Variants in FHDC1 observed in about 807,000 individuals in gnomAD.
The protein encoded by FHDC1 is FH2 domain containing 1, also known as FH2 domain-containing protein 1.
Under a neutral mutation model 52.6 loss-of-function variants are expected in FHDC1, and 25 were observed. The ratio of observed to expected loss-of-function variants is 0.48; its 90% confidence interval spans 0.35 to 0.66. The LOEUF (loss-of-function observed/expected upper bound fraction) is 0.66, where lower values mean the gene tolerates loss of function less well. Ranked by LOEUF, FHDC1 falls within the 30% of genes least tolerant of loss-of-function variation. The pLI is 0.01. For synonymous variants in FHDC1, 616 were observed against 581.5 expected, an observed-to-expected ratio of 1.06 and a Z score of -0.85; for missense variants, 1,459 against 1,452.8, an observed-to-expected ratio of 1.00 and a Z score of -0.07.
chr4:152,929,572 C>G, the FHDC1 span, among the ~76,000 whole-genome samples: 2 of 152,148 alleles, frequency 1.3e-5, no homozygotes, highest in East Asian at 3.9e-4. The surrounding 1 kb of genome is among the most constrained non-coding windows in gnomAD (Gnocchi z 4.1). Flanking sequence ...ACTTTCCTTT[C>G]GCACCATCAA....
At chr4:152,955,062 A>G (rs569721598) in intron 4 of FHDC1, among the ~76,000 whole-genome samples, 3 of 152,328 alleles carry the variant, frequency 2.0e-5, no homozygotes, top group Non-Finnish European at 4.4e-5. Flanking sequence ...TGACCTTTGC[A>G]TAGTATAAAC....
intron 2 of FHDC1, among the ~76,000 whole-genome samples, chr4:152,944,288 TTTATAA>T: frequency 6.6e-6 from 1 of 152,138 alleles, no homozygotes; most frequent in East Asian, 1.9e-4. Context: ...AAAAATTACA[TTTATAA>T]GTATTGTCAG....
chr4:152,974,359 G>C (rs1404692951), intron 11 of FHDC1, among the ~76,000 whole-genome samples: 2 of 150,208 alleles, frequency 1.3e-5, no homozygotes, highest in African/African-American at 4.8e-5. Context: ...CAGTGCCTTG[G>C]CTGGAAAGCT....
At chr4:152,958,896 A>G (rs1311372806) in intron 4 of FHDC1, among the ~76,000 whole-genome samples, 3 of 152,210 alleles carry the variant, frequency 2.0e-5, no homozygotes, top group East Asian at 3.8e-4. Flanking sequence ...ATAAATGGCT[A>G]TTTTCTGTCC....
intron 4 of FHDC1, among the ~76,000 whole-genome samples, chr4:152,954,739 A>G (rs1740033037): frequency 6.6e-6 from 1 of 152,110 alleles, no homozygotes. Flanking sequence ...TGGGAAGGGC[A>G]CTCTCCTACC....
At chr4:152,935,947 A>G (rs1438564343), upstream of FHDC1, among the ~76,000 whole-genome samples, 2 of 152,110 alleles carry the variant, frequency 1.3e-5, no homozygotes, top group Non-Finnish European at 2.9e-5. Context: ...TTGCAGGTTC[A>G]GAAGCCAGCT....
upstream of FHDC1, among the ~76,000 whole-genome samples, chr4:152,935,854 TGTATATAAGAGTGTGTGC>T (rs1739351650): frequency 7.3e-6 from 1 of 137,160 alleles, no homozygotes; most frequent in Non-Finnish European, 1.6e-5. Context: ...TGTGCGCGCG[TGTATATAAGAGTGTGTGC>T]GCGCCCGTGT....
At position 152,943,325 on chromosome 4, in the gene FHDC1, C is replaced by T; in HGVS notation, c.268C>T (p.His90Tyr). Residue 90 changes from histidine to tyrosine, a missense_variant, in exon 2 of 12, where the codon CAC becomes TAC. Around this residue, in one of 3 missense-constraint regions of FHDC1, gnomAD observed 513 missense variants for 581.5 expected, o/e 0.88. Coordinates refer to ENST00000511601, the MANE Select transcript of FHDC1 (RefSeq NM_001371116.1). ...AACTACTCACATGAACGGCTACAGC[C>T]ACCTTGGTAAGAAAAAGCGGATGAG... ...PPTTHMNGYS[H>Y]LGKKKRMRSF... 1.9e-6 allele frequency: 3 copies of T among 1,613,168 alleles called. No homozygotes were observed. The highest frequency in any genetic ancestry group is 2.5e-6 in the Non-Finnish European group (3 of 1,179,808).
At chr4:152,918,059 A>T in the FHDC1 span, among the ~76,000 whole-genome samples, 8 of 152,230 alleles carry the variant, frequency 5.3e-5, no homozygotes, top group Non-Finnish European at 1.2e-4. Flanking sequence ...TGTGGCCCTA[A>T]CTTGCCCCTT....
At chr4:152,912,766 T>C in the FHDC1 span, among the ~76,000 whole-genome samples, 2 of 152,150 alleles carry the variant, frequency 1.3e-5, no homozygotes, top group African/African-American at 2.4e-5. Context: ...AAAATAGAAG[T>C]TGTTATTCTA....
At chr4:152,924,111 G>A in the FHDC1 span, among the ~76,000 whole-genome samples, 1 of 151,730 alleles carries the variant, frequency 6.6e-6, no homozygotes, top group Admixed American at 6.6e-5. Flanking sequence ...CTACTCATCT[G>A]ACAAAGGGCT....
chr4:152,964,901 C>T lies in FHDC1; in HGVS notation c.1030-4C>T. The T allele has an allele frequency of 1.2e-6, 2 of 1,608,766 alleles. No individual in the cohort carries two copies. Among genetic ancestry groups the T allele is most frequent in the Non-Finnish European group, 1.7e-6 (2 of 1,178,100 alleles). ...AGTGAGATAAAATTCTGTTTTTGTTCCAGGAAGCCCAAAAGAAAGATACCA... is the reference window on the plus strand; with the variant it reads ...AGTGAGATAAAATTCTGTTTTTGTTTCAGGAAGCCCAAAAGAAAGATACCA... On this transcript the variant is annotated splice_region_variant and splice_polypyrimidine_tract_variant and intron_variant, in intron 8 of 11. Coordinates refer to ENST00000511601, the MANE Select transcript of FHDC1 (RefSeq NM_001371116.1).
intron 10 of FHDC1, 131 bp from the exon 11 acceptor site, chr4:152,972,246 A>C: frequency 1.1e-6 from 1 of 917,226 alleles, no homozygotes; most frequent in South Asian, 2.1e-5. Flanking sequence ...TTGGCCTTGC[A>C]ATAAACCTTC....
upstream of FHDC1, among the ~76,000 whole-genome samples, chr4:152,933,724 C>T (rs62320600): frequency 0.03 from 3,625 of 122,660 alleles, 85 homozygotes; most frequent in South Asian, 0.12. Context: ...AGTGAGACCC[C>T]GTCTCAAAAA....
At position 152,963,038 on chromosome 4, in the gene FHDC1, A is replaced by G; in HGVS notation, c.937A>G (p.Asn313Asp). Residue 313 changes from asparagine (N) to aspartate (D), a missense_variant, in exon 8 of 12, where the codon AAT becomes GAT. Physicochemically the swap from Asn to Asp is conservative, Grantham distance 23. Around this residue, in one of 3 missense-constraint regions of FHDC1, gnomAD observed 513 missense variants for 581.5 expected, o/e 0.88. Transcript: ENST00000511601. ...NIMNAGGYAG[N>D]AVGFKLSSLL... ...TCTTCTTTAGGGAGGGTATGCCGGC[A>G]ATGCAGTAGGATTTAAACTGTCTTC... 1 of 1,612,824 alleles carries G rather than the reference A, an allele frequency of 6.2e-7. No individual in the cohort carries two copies. Among genetic ancestry groups the G allele is most frequent in the South Asian group, 1.1e-5 (1 of 91,032 alleles).
the FHDC1 span, among the ~76,000 whole-genome samples, chr4:152,915,343 A>G: frequency 6.6e-6 from 1 of 152,174 alleles, no homozygotes; most frequent in Non-Finnish European, 1.5e-5. Flanking sequence ...AGACTCCTTC[A>G]ATATACGTAA....
chr4:152,926,975 C>T, the FHDC1 span, among the ~76,000 whole-genome samples: 6 of 152,206 alleles, frequency 3.9e-5, no homozygotes, highest in African/African-American at 7.2e-5. Flanking sequence ...AACCCTGATT[C>T]GGCTACTTAT....
At chr4:152,961,489 C>T (rs1177368210) in intron 6 of FHDC1, among the ~76,000 whole-genome samples, 7 of 152,210 alleles carry the variant, frequency 4.6e-5, no homozygotes, top group Admixed American at 2.0e-4. Flanking sequence ...GCTGCCCTGC[C>T]GTCTCCTTCC....
chr4:152,949,118 T>TAAGAAGAAGAAGAAGAAGAAG lies in FHDC1; in HGVS notation c.499-4379_499-4378insGAAGAAGAAGAAGAAGAAGAA, dbSNP rs758697130. Among the ~76,000 whole-genome samples the TAAGAAGAAGAAGAAGAAGAAG allele has an allele frequency of 1.1e-4, 8 of 75,874 alleles. No individual in the cohort carries two copies. The East Asian group carries it at 1.3e-3, about 12-fold the overall frequency. 49.8% of individuals were successfully genotyped at this position (75,874 alleles called of 152,430 possible). A position where few individuals can be genotyped will look rare whatever the true frequency, so the allele number is the denominator to read the frequency against. ...ATAATAATAATAATAATAATAATAATAATAATAAGAAGAAGAAGAAGAAGA... is the reference window on the plus strand; with the variant it reads ...ATAATAATAATAATAATAATAATAATAAGAAGAAGAAGAAGAAGAAGAATAATAAGAAGAAGAAGAAGAAGA... On this transcript the variant is annotated intron_variant, in intron 2 of 11. Transcript: ENST00000511601.
Sources: allele counts gnomAD v4.1 joint callset (sites outside exome capture counted in the v4.1 genomes callset), GRCh38; gene constraint gnomAD v4.1.1; regional missense constraint gnomAD v4.1.1; non-coding constraint Gnocchi (gnomAD v3.1); transcripts MANE v1.5; gene names NCBI Gene and HGNC (gene_info 2026-07-23, HGNC 2026-07-21).